Variants in KCNH5 observed in about 807,000 individuals in gnomAD.
KCNH5 encodes the protein voltage-gated delayed rectifier potassium channel KCNH5.
A neutral mutation model predicts 96.1 loss-of-function variants in KCNH5; 46 were observed. The observed-to-expected ratio is 0.48, with a 90% CI of 0.38 to 0.61. The LOEUF is 0.61. Among genes scored for constraint, KCNH5 ranks in the 20% least tolerant of loss-of-function variants. The pLI is 0.00. For missense variants in KCNH5, 907 were observed against 1,225.8 expected, an observed-to-expected ratio of 0.74 and a Z score of 3.88; for synonymous variants, 439 against 449.8, an observed-to-expected ratio of 0.98 and a Z score of 0.30.
chr14:62,817,441 G>T (rs1261821857), intron 8 of KCNH5, among the ~76,000 whole-genome samples: 1 of 149,096 alleles, frequency 6.7e-6, no homozygotes, highest in Non-Finnish European at 1.5e-5. Flanking sequence ...TGCTCAGGAA[G>T]AAGAGAGAAT....
chr14:62,906,765 G>C (rs945085912), intron 7 of KCNH5, among the ~76,000 whole-genome samples: 2 of 151,120 alleles, frequency 1.3e-5, no homozygotes, highest in African/African-American at 2.4e-5. Flanking sequence ...TTTTTTTCTT[G>C]TCTCATTTTA....
At chr14:63,008,314 CT>C (rs1891163990) in intron 2 of KCNH5, among the ~76,000 whole-genome samples, 2 of 152,104 alleles carry the variant, frequency 1.3e-5, no homozygotes, top group Admixed American at 1.3e-4. Context: ...ATGAGGGCCC[CT>C]GAAGGTTCAG....
intron 9 of KCNH5, among the ~76,000 whole-genome samples, chr14:62,789,156 C>T (rs1886379836): frequency 6.6e-6 from 1 of 152,006 alleles, no homozygotes; most frequent in Admixed American, 6.6e-5. Flanking sequence ...TAAAAAGATT[C>T]TACATATAAG....
intron 7 of KCNH5, among the ~76,000 whole-genome samples, chr14:62,918,189 T>C (rs1247466888): frequency 6.6e-6 from 1 of 152,158 alleles, no homozygotes; most frequent in African/African-American, 2.4e-5. Flanking sequence ...AATAAGAAAG[T>C]GTTTGTGGGA....
chr14:62,892,348 T>G (rs890841211), intron 7 of KCNH5, among the ~76,000 whole-genome samples: 19 of 152,240 alleles, frequency 1.2e-4, no homozygotes, highest in African/African-American at 4.1e-4. Flanking sequence ...GCTCTAACTC[T>G]CCCCAATTGT....
At chr14:62,751,647 C>A (rs1052923817) in intron 10 of KCNH5, among the ~76,000 whole-genome samples, 1 of 152,212 alleles carries the variant, frequency 6.6e-6, no homozygotes, top group Non-Finnish European at 1.5e-5. Context: ...GGCTTTCCCA[C>A]CTTTCAGCTT....
chr14:62,840,539 G>GT (rs1191835172), intron 8 of KCNH5, among the ~76,000 whole-genome samples: 12 of 106,910 alleles, frequency 1.1e-4, no homozygotes, highest in Non-Finnish European at 2.3e-4. Context: ...GTTTTGTTTT[G>GT]TTTTGTTTTT....
intron 8 of KCNH5, among the ~76,000 whole-genome samples, chr14:62,802,783 A>G (rs1471257369): frequency 6.6e-6 from 1 of 152,210 alleles, no homozygotes; most frequent in Non-Finnish European, 1.5e-5. Flanking sequence ...GCTGATGAGC[A>G]TATGGACCAT....
At chr14:62,980,831 T>C (rs775062434) in intron 6 of KCNH5, 41 bp downstream of exon 6, 26 of 1,587,174 alleles carry the variant, frequency 1.6e-5, no homozygotes, top group Admixed American at 7.3e-5. Flanking sequence ...TTTCAAAATA[T>C]ATGACCCACA....
chr14:62,868,038 G>T (rs1250199021), intron 7 of KCNH5, among the ~76,000 whole-genome samples: 3 of 152,334 alleles, frequency 2.0e-5, no homozygotes, highest in Middle Eastern at 3.4e-3. Flanking sequence ...TTGAGATCCG[G>T]CTGTTCTCTG....
intron 8 of KCNH5, among the ~76,000 whole-genome samples, chr14:62,808,007 T>C (rs1886802453): frequency 6.6e-6 from 1 of 152,164 alleles, no homozygotes; most frequent in Admixed American, 6.6e-5. Flanking sequence ...AGTTGGTTCT[T>C]ATCTGCACTT....
rs71451284 is a variant in KCNH5 at position 62,908,782 on chromosome 14, A to ACTTT, written c.1369+41350_1369+41351insAAAG. ...TTGCCCTTTGTTGATTTTGCTTTGT[A>ACTTT]TTTTTTTTTTTTTTTTTTTTTTTTT... is the stretch of plus-strand genomic sequence containing the variant. On this transcript the variant is annotated intron_variant, in intron 7 of 10. Transcript: ENST00000322893. Among the ~76,000 whole-genome samples, 8 of 23,720 alleles carry ACTTT rather than the reference A, an allele frequency of 3.4e-4. 1 individual carries two copies. Among genetic ancestry groups the ACTTT allele is most frequent in the African/African-American group, 1.4e-3 (8 of 5,542 alleles). 15.6% of individuals were successfully genotyped at this position (23,720 alleles called of 152,430 possible).
intron 6 of KCNH5, among the ~76,000 whole-genome samples, chr14:62,959,999 G>C (rs1167547412): frequency 6.6e-6 from 1 of 152,104 alleles, no homozygotes; most frequent in African/African-American, 2.4e-5. Flanking sequence ...TCTAAAATCT[G>C]TTTTGTTTAT....
chr14:62,904,473 T>G (rs1337533170), intron 7 of KCNH5, among the ~76,000 whole-genome samples: 1 of 152,124 alleles, frequency 6.6e-6, no homozygotes, highest in Non-Finnish European at 1.5e-5. Flanking sequence ...AAATCCCACA[T>G]ACACATGCCC....
intron 8 of KCNH5, among the ~76,000 whole-genome samples, chr14:62,804,111 A>G (rs1168909998): frequency 6.6e-6 from 1 of 152,126 alleles, no homozygotes; most frequent in Non-Finnish European, 1.5e-5. Context: ...TGCAAAAACC[A>G]TTAATTAAAT....
At chr14:63,028,118 C>T (rs989444086) in intron 1 of KCNH5, among the ~76,000 whole-genome samples, 3 of 152,054 alleles carry the variant, frequency 2.0e-5, no homozygotes, top group African/African-American at 4.8e-5. Context: ...ACCTCTCTCT[C>T]TCTCTCTCTC....
intron 6 of KCNH5, among the ~76,000 whole-genome samples, chr14:62,954,525 A>G (rs781614553): frequency 6.6e-6 from 1 of 152,226 alleles, no homozygotes; most frequent in Non-Finnish European, 1.5e-5. Flanking sequence ...TTGGGGATCA[A>G]TTTGGAGGGC....
chr14:63,037,260 A>C (rs1301853498), intron 1 of KCNH5, among the ~76,000 whole-genome samples: 2 of 152,180 alleles, frequency 1.3e-5, no homozygotes, highest in African/African-American at 4.8e-5. Flanking sequence ...AGTAAGTGTC[A>C]GAGCCAGGAC....
intron 7 of KCNH5, among the ~76,000 whole-genome samples, chr14:62,861,292 G>T (rs1201795623): frequency 2.0e-5 from 3 of 149,460 alleles, no homozygotes; most frequent in Non-Finnish European, 4.4e-5. Flanking sequence ...TTTTGAGACA[G>T]AGTCTCTCAC....
Sources: allele counts gnomAD v4.1 joint callset (sites outside exome capture counted in the v4.1 genomes callset), GRCh38; gene constraint gnomAD v4.1.1; transcripts MANE v1.5; gene names NCBI Gene and HGNC (gene_info 2026-07-23, HGNC 2026-07-21).